The following TMEM87B variants were observed in gnomAD, a reference collection of about 807,000 sequenced individuals.
The protein encoded by TMEM87B is transmembrane protein 87B.
TMEM87B carries 83 observed loss-of-function variants against 80.3 expected under a neutral mutation model. The observed-to-expected ratio is 1.03, with a 90% CI of 0.87 to 1.24. TMEM87B has a LOEUF of 1.24. Ranked by LOEUF, TMEM87B falls within the 50% of genes most tolerant of loss-of-function variation. TMEM87B has a pLI of 0.00. For synonymous variants in TMEM87B, 219 were observed against 230.5 expected (o/e 0.95, Z 0.45); for missense variants, 625 against 674.4 (o/e 0.93, Z 0.81).
chr2:112,065,221 T>C (rs570182156), intron 3 of TMEM87B, among the ~76,000 whole-genome samples: 1 of 152,354 alleles, frequency 6.6e-6, no homozygotes, highest in African/African-American at 2.4e-5. Context: ...CATCTCTAAA[T>C]ATTTTACACC....
chr2:112,058,082 C>A (rs746005971), intron 1 of TMEM87B, among the ~76,000 whole-genome samples: 1 of 152,242 alleles, frequency 6.6e-6, no homozygotes, highest in Non-Finnish European at 1.5e-5. Flanking sequence ...CCGCCTCAGC[C>A]TCCCAAAGTT....
intron 4 of TMEM87B, among the ~76,000 whole-genome samples, chr2:112,072,897 T>TC (rs1273153081): frequency 1.2e-3 from 164 of 133,906 alleles, no homozygotes; most frequent in African/African-American, 4.2e-3. Context: ...CTCTTCTTCT[T>TC]TTTTTTTTTT....
intron 15 of TMEM87B, among the ~76,000 whole-genome samples, chr2:112,105,199 G>A (rs2104502781): frequency 6.6e-6 from 1 of 152,242 alleles, no homozygotes; most frequent in Non-Finnish European, 1.5e-5. Context: ...TAAGAGAAAT[G>A]TTGGGGTTTT....
At chr2:112,092,347 C>T (rs546744944) in intron 11 of TMEM87B, among the ~76,000 whole-genome samples, 23 of 152,238 alleles carry the variant, frequency 1.5e-4, no homozygotes, top group Non-Finnish European at 2.2e-4. Flanking sequence ...GGAAGCCTGC[C>T]TCTGGGTGGA....
Position 112,059,419 on chromosome 2 carries a change from G to A in TMEM87B, c.166-558G>A, listed in dbSNP as rs569136812. ...GGAGCCAACTAGATGAACAAAGGGT[G>A]AAAGGAAGGATTTTAAAGTAAATTT... On this transcript the variant is annotated intron_variant, in intron 1 of 18. Coordinates refer to ENST00000283206, the MANE Select transcript of TMEM87B (RefSeq NM_032824.3). 2.6e-4 allele frequency among the ~76,000 whole-genome samples: 39 copies of A among 151,846 alleles called. No individual in the cohort carries two copies. The South Asian group carries it at 7.5e-3, about 29-fold the overall frequency.
At chr2:112,067,107 C>T (rs1177267863) in intron 4 of TMEM87B, 40 bp downstream of exon 4, 1 of 1,595,312 alleles carries the variant, frequency 6.3e-7, no homozygotes, top group South Asian at 1.2e-5. Context: ...TATTTTATTC[C>T]CAGTGAATAC....
intron 15 of TMEM87B, among the ~76,000 whole-genome samples, chr2:112,105,135 A>G (rs1447536371): frequency 6.6e-6 from 1 of 152,092 alleles, no homozygotes; most frequent in Non-Finnish European, 1.5e-5. Context: ...TGTAATATAT[A>G]TATATATACA....
At chr2:112,090,414 G>A (rs909836318) in intron 10 of TMEM87B, among the ~76,000 whole-genome samples, 11 of 126,216 alleles carry the variant, frequency 8.7e-5, no homozygotes, top group African/African-American at 3.0e-4. Context: ...TTGGTTGGTT[G>A]GTTGGTTGGT....
At chr2:112,113,114 G>A (rs1679965248) in intron 18 of TMEM87B, among the ~76,000 whole-genome samples, 185 bp downstream of exon 18, 1 of 118,502 alleles carries the variant, frequency 8.4e-6, no homozygotes, top group African/African-American at 3.1e-5. Context: ...TTTCAAACAA[G>A]AACAAGATAA....
chr2:112,100,409 T>G (rs970923694), intron 14 of TMEM87B, among the ~76,000 whole-genome samples: 1 of 152,238 alleles, frequency 6.6e-6, no homozygotes, highest in Non-Finnish European at 1.5e-5. Flanking sequence ...TTTACCCACT[T>G]ATGCTTTTAC....
chr2:112,073,128 G>A (rs563042514), intron 4 of TMEM87B, among the ~76,000 whole-genome samples: 1 of 152,100 alleles, frequency 6.6e-6, no homozygotes, highest in Non-Finnish European at 1.5e-5. Flanking sequence ...TCGAACTCGT[G>A]ACCTCAGATG....
rs1377760313 is a variant in TMEM87B, at chr2:112,097,213, T to G, written c.1214-20T>G. 6.2e-7 allele frequency: 1 copy of G among 1,605,070 alleles called. No homozygotes were observed. Among genetic ancestry groups the G allele is most frequent in the East Asian group, 2.2e-5 (1 of 44,712 alleles). On this transcript the variant is annotated intron_variant, in intron 12 of 18. Transcript: ENST00000283206. The stretch of plus-strand genomic sequence containing the variant: ...TAGTATTGTTATATTCCTTCAAAGG[T>G]GACTTTTTGTGTGTTTCAGCTTCTA...
At chr2:112,087,421 A>G (rs1679180714) in intron 9 of TMEM87B, among the ~76,000 whole-genome samples, 1 of 150,272 alleles carries the variant, frequency 6.7e-6, no homozygotes, top group Non-Finnish European at 1.5e-5. Context: ...CTCAGACTCT[A>G]CCCTGACCTT....
In TMEM87B at chr2:112,116,229, A is replaced by G; in HGVS notation, c.*86A>G. ...GTGAGCTTTGATTTGATATTGCCTA[A>G]AAATTTTTATTGTGTTATCTTGGAA... On this transcript the variant is annotated 3_prime_UTR_variant, in exon 19 of 19. Transcript: ENST00000283206. 1 of 1,202,858 alleles carries G rather than the reference A, an allele frequency of 8.3e-7. No homozygotes were observed. The highest frequency in any genetic ancestry group is 1.4e-5 in the South Asian group (1 of 70,944). The allele number at this position is 1,202,858 out of a possible 1,614,324, so 74.5% of individuals were successfully genotyped here. A position where few individuals can be genotyped will look rare whatever the true frequency, so the allele number is the denominator to read the frequency against.
rs936099889 is a variant in TMEM87B at position 112,094,186 on chromosome 2, G to A, written c.1104+2403G>A. Among the ~76,000 whole-genome samples the A allele has an allele frequency of 1.2e-4, 17 of 143,492 alleles. No individual in the cohort carries two copies. In the East Asian group the frequency reaches 2.4e-3, roughly 21 times the overall value. 94.1% of individuals were successfully genotyped at this position (143,492 alleles called of 152,430 possible). ...CTTTTTTTTTTTTTTTTTTTAAGAC[G>A]GAGTCTCGCTCTGTCACCAGGTTGG... On this transcript the variant is annotated intron_variant, in intron 11 of 18. Transcript: ENST00000283206.
intron 6 of TMEM87B, among the ~76,000 whole-genome samples, chr2:112,080,408 C>T (rs534433592): frequency 8.1e-4 from 123 of 152,142 alleles, no homozygotes; most frequent in African/African-American, 2.8e-3. Context: ...TACAGGTGCT[C>T]GCCACCACGC....
chr2:112,056,427 A>G (rs920169064), intron 1 of TMEM87B, among the ~76,000 whole-genome samples: 9 of 151,946 alleles, frequency 5.9e-5, no homozygotes, highest in African/African-American at 2.2e-4. Context: ...AGTGGGTGGA[A>G]ACTCTTCTTT....
chr2:112,068,988 C>G (rs902960794), intron 4 of TMEM87B, among the ~76,000 whole-genome samples: 1 of 151,050 alleles, frequency 6.6e-6, no homozygotes, highest in Non-Finnish European at 1.5e-5. Context: ...GTCAGGAGAT[C>G]GAGACCATCC....
At chr2:112,056,290 A>G (rs967362680) in intron 1 of TMEM87B, among the ~76,000 whole-genome samples, 4 of 151,740 alleles carry the variant, frequency 2.6e-5, no homozygotes, top group Admixed American at 1.3e-4. Flanking sequence ...CCCTACCTCT[A>G]TTTCTCTCTT....
Sources: gnomAD v4.1 joint callset for allele counts (sites outside exome capture counted in the v4.1 genomes callset) on GRCh38, gnomAD v4.1.1 for gene constraint, MANE v1.5 for transcripts, NCBI Gene and HGNC (gene_info 2026-07-23, HGNC 2026-07-21) for gene names.